RARB: variants seen among roughly 807,000 people sequenced by gnomAD.
RARB encodes HBV-activated protein.
A neutral mutation model predicts 51.9 loss-of-function variants in RARB; 17 were observed. The ratio of observed to expected loss-of-function variants is 0.33; its 90% CI spans 0.22 to 0.49. The LOEUF is 0.49. Among genes scored for constraint, RARB ranks in the 20% least tolerant of loss-of-function variants. The probability of loss-of-function intolerance (pLI) is 0.99; values close to 1 mark genes in which losing one functional copy is unlikely to be tolerated. For missense variants in RARB, 369 were observed against 550.8 expected, an observed-to-expected ratio of 0.67 and a Z score of 3.30; for synonymous variants, 215 against 195.4, an observed-to-expected ratio of 1.10 and a Z score of -0.84.
At chr3:25,234,086 G>T (rs1351276774) in intron 5 of RARB, among the ~76,000 whole-genome samples, 1 of 152,082 alleles carries the variant, frequency 6.6e-6, no homozygotes, top group Non-Finnish European at 1.5e-5. Context: ...ACAGAATTGA[G>T]AAATATTACT....
intron 2 of RARB, among the ~76,000 whole-genome samples, chr3:24,981,053 G>T (rs1028760545): frequency 6.6e-6 from 1 of 152,200 alleles, no homozygotes; most frequent in Non-Finnish European, 1.5e-5. Context: ...GAGTTTGCTA[G>T]AGGCCCACTC....
intron 2 of RARB, among the ~76,000 whole-genome samples, chr3:25,487,784 T>C (rs1559429250): frequency 6.6e-6 from 1 of 152,224 alleles, no homozygotes; most frequent in Non-Finnish European, 1.5e-5. Flanking sequence ...TGTCACTGCC[T>C]GGTGCTTTCA....
chr3:25,294,382 C>G (rs1303184019), intron 5 of RARB, among the ~76,000 whole-genome samples: 4 of 152,138 alleles, frequency 2.6e-5, no homozygotes, highest in African/African-American at 7.2e-5. Context: ...ATTCTCTCTA[C>G]CAGTCAGCAT....
rs900017533 is a variant in RARB, at chr3:24,989,381, T to C, written c.-379-70744T>C. Among the ~76,000 whole-genome samples the C allele has an allele frequency of 4.6e-5, 7 of 152,174 alleles. 2 individuals are homozygous for C. The highest frequency in any genetic ancestry group is 8.8e-5 in the Non-Finnish European group (6 of 68,034). ...GGTAAATACTTGAAAGTAGGAATTG[T>C]TGTTACGTAGGAAAACATTACTGAA... On this transcript the variant is annotated intron_variant, in intron 2 of 11. Coordinates refer to the RARB transcript ENST00000383772.
At chr3:25,397,019 C>G (rs568803487) in intron 5 of RARB, among the ~76,000 whole-genome samples, 1 of 152,160 alleles carries the variant, frequency 6.6e-6, no homozygotes, top group Non-Finnish European at 1.5e-5. Context: ...GCCATGGTTT[C>G]TTGCGCGCAT....
chr3:25,479,091 C>A (rs1529672), intron 2 of RARB, among the ~76,000 whole-genome samples: 29,190 of 151,908 alleles, frequency 0.19, 2,979 homozygotes, highest in East Asian at 0.35. Flanking sequence ...TTGAAACAGG[C>A]ATGAATTCTG....
upstream of RARB, chr3:25,428,195 T>C: frequency 8.2e-7 from 1 of 1,212,774 alleles, no homozygotes; most frequent in Non-Finnish European, 1.0e-6. Context: ...ATTTGAAGGT[T>C]AGCAGCCCGG....
intron 2 of RARB, among the ~76,000 whole-genome samples, chr3:24,914,487 G>A (rs1224147161): frequency 6.6e-6 from 1 of 152,108 alleles, no homozygotes; most frequent in Admixed American, 6.5e-5. Flanking sequence ...TGCCAATTAT[G>A]TGTAAAGTAC....
chr3:25,293,235 G>T (rs1343985253), intron 5 of RARB, among the ~76,000 whole-genome samples: 2 of 152,102 alleles, frequency 1.3e-5, no homozygotes, highest in African/African-American at 2.4e-5. Context: ...TGAATTTTCA[G>T]TGTTCAAATG....
At chr3:25,046,286 A>G (rs4484159) in intron 2 of RARB, among the ~76,000 whole-genome samples, 19,205 of 152,204 alleles carry the variant, frequency 0.13, 1,431 homozygotes, top group South Asian at 0.3. Flanking sequence ...ACTGCAGAAA[A>G]GGATCAAAAT....
intron 1 of RARB, among the ~76,000 whole-genome samples, chr3:25,429,104 G>T (rs1378555473): frequency 2.0e-5 from 3 of 152,066 alleles, no homozygotes; most frequent in African/African-American, 7.2e-5. Context: ...CCGCCCCCAT[G>T]CTCCTCTCCT....
chr3:25,266,419 C>T (rs1363840160), intron 5 of RARB, among the ~76,000 whole-genome samples: 1 of 151,954 alleles, frequency 6.6e-6, no homozygotes, highest in Non-Finnish European at 1.5e-5. Flanking sequence ...TTGTTGACCT[C>T]AATTATTTAT....
At chr3:25,332,878 A>G (rs1013912743) in intron 5 of RARB, among the ~76,000 whole-genome samples, 1 of 152,234 alleles carries the variant, frequency 6.6e-6, no homozygotes, top group Non-Finnish European at 1.5e-5. Context: ...CCTATACACC[A>G]ATAACAAACA....
intron 5 of RARB, among the ~76,000 whole-genome samples, chr3:25,186,885 CTGTGTGTGTGTG>C (rs71057702): frequency 2.2e-3 from 249 of 114,282 alleles, no homozygotes; most frequent in South Asian, 4.9e-3. Flanking sequence ...AAAGGTAAGC[CTGTGTGTGTGTG>C]TGTGTGTGTG....
At chr3:25,325,745 C>T (rs1704697122) in intron 5 of RARB, among the ~76,000 whole-genome samples, 2 of 148,414 alleles carry the variant, frequency 1.3e-5, no homozygotes, top group African/African-American at 2.5e-5. Flanking sequence ...TGGTCATGGC[C>T]ACTTGTGGAA....
intron 5 of RARB, among the ~76,000 whole-genome samples, chr3:25,313,157 C>T (rs1704331948): frequency 6.6e-6 from 1 of 152,172 alleles, no homozygotes; most frequent in Non-Finnish European, 1.5e-5. Flanking sequence ...GTTTTCCCAG[C>T]ATTAATCCTT....
chr3:25,124,358 A>G (rs1167843443), intron 3 of RARB, among the ~76,000 whole-genome samples: 1 of 152,212 alleles, frequency 6.6e-6, no homozygotes, highest in African/African-American at 2.4e-5. Context: ...TGAGTGACAG[A>G]CTGAGACTGT....
At chr3:25,492,980 A>AT (rs1696819250) in intron 2 of RARB, among the ~76,000 whole-genome samples, 1 of 147,790 alleles carries the variant, frequency 6.8e-6, no homozygotes, top group Non-Finnish European at 1.5e-5. Flanking sequence ...GGGATTTATT[A>AT]CCTTTTTTTT....
chr3:25,204,716 A>C (rs573572169), intron 5 of RARB, among the ~76,000 whole-genome samples: 1 of 152,316 alleles, frequency 6.6e-6, no homozygotes, highest in East Asian at 1.9e-4. Flanking sequence ...CCTGGGTATC[A>C]GCAGCAGAGG....
Sources: allele counts gnomAD v4.1 joint callset (sites outside exome capture counted in the v4.1 genomes callset), GRCh38; gene constraint gnomAD v4.1.1; transcripts MANE v1.5; gene names NCBI Gene and HGNC (gene_info 2026-07-23, HGNC 2026-07-21).